MYOF: variants seen among roughly 807,000 people sequenced by gnomAD.
MYOF encodes fer-1-like 3, myoferlin.
Under a neutral mutation model 284.2 loss-of-function variants are expected in MYOF, and 244 were observed. The ratio of observed to expected loss-of-function variants is 0.86; its 90% confidence interval spans 0.77 to 0.95. The LOEUF is 0.95. Ranked by LOEUF, MYOF falls within the 40% of genes least tolerant of loss-of-function variation. MYOF has a pLI of 0.00. For synonymous variants in MYOF, 904 were observed against 919.7 expected, an observed-to-expected ratio of 0.98 and a Z score of 0.31; for missense variants, 2,496 against 2,560.6, an observed-to-expected ratio of 0.97 and a Z score of 0.54.
chr10:93,397,255 T>C lies in MYOF; in HGVS notation c.1326A>G (p.Ile442Met), dbSNP rs369597612. 7 of 1,591,720 alleles carry C rather than the reference T, an allele frequency of 4.4e-6. No individual in the cohort carries two copies. The highest frequency in any genetic ancestry group is 2.7e-5 in the African/African-American group (2 of 74,378). The change falls in exon 15 of 54, where the codon ATA becomes ATG. Residue 442 changes from isoleucine to methionine, a missense_variant. By Grantham distance (10) the Ile-to-Met change is conservative. This residue lies in a region of MYOF where 2,436 missense variants were observed against 2,480.7 expected (regional missense o/e 0.98). Coordinates refer to ENST00000359263, the MANE Select transcript of MYOF (RefSeq NM_013451.4). Reference protein sequence around the residue: ...PSVCEKIKLTIYDWDRLTKND... With the variant: ...PSVCEKIKLTMYDWDRLTKND... ...ACGTATTTTCAACTCACCAGTCATATATTGTTAGTTTTATTTTTTCACACA... is the reference window on the plus strand; with the variant it reads ...ACGTATTTTCAACTCACCAGTCATACATTGTTAGTTTTATTTTTTCACACA...
intron 5 of MYOF, among the ~76,000 whole-genome samples, chr10:93,424,482 G>C (rs1384797537): frequency 1.3e-5 from 2 of 152,094 alleles, no homozygotes; most frequent in Non-Finnish European, 2.9e-5. Flanking sequence ...CACTGCTGTG[G>C]AAGCAAAGGG....
intron 3 of MYOF, among the ~76,000 whole-genome samples, chr10:93,449,116 G>C (rs1040064218): frequency 1.3e-5 from 2 of 152,198 alleles, no homozygotes; most frequent in African/African-American, 2.4e-5. Flanking sequence ...TTGAAATGTG[G>C]TAAGTCTCTG....
At chr10:93,415,472 C>T (rs1848078222) in intron 5 of MYOF, among the ~76,000 whole-genome samples, 1 of 152,214 alleles carries the variant, frequency 6.6e-6, no homozygotes, top group African/African-American at 2.4e-5. Flanking sequence ...ACTAATTAAC[C>T]AGCACAGTCA....
intron 5 of MYOF, among the ~76,000 whole-genome samples, chr10:93,424,380 G>A (rs1848490278): frequency 6.6e-6 from 1 of 152,160 alleles, no homozygotes; most frequent in African/African-American, 2.4e-5. Flanking sequence ...AGGGAAATGG[G>A]TGGGACCACT....
chr10:93,457,989 C>T (rs1382152043), intron 1 of MYOF, among the ~76,000 whole-genome samples: 2 of 151,364 alleles, frequency 1.3e-5, no homozygotes, highest in African/African-American at 2.4e-5. Context: ...AGTGATCCAC[C>T]TGCCTCAGCC....
At chr10:93,348,634 G>C (rs781349468) in intron 36 of MYOF, among the ~76,000 whole-genome samples, 2 of 152,032 alleles carry the variant, frequency 1.3e-5, no homozygotes, top group Non-Finnish European at 2.9e-5. Context: ...TTGGGACCCT[G>C]GCTGGCAGCA....
chr10:93,478,014 G>A (rs530511142), intron 1 of MYOF, among the ~76,000 whole-genome samples: 28 of 152,184 alleles, frequency 1.8e-4, no homozygotes, highest in Non-Finnish European at 3.8e-4. Context: ...TGGTGACCCT[G>A]AAGGACTAAC....
chr10:93,429,973 T>G (rs1367931782), intron 4 of MYOF, among the ~76,000 whole-genome samples: 1 of 151,760 alleles, frequency 6.6e-6, no homozygotes. Flanking sequence ...CTTGCTCTGT[T>G]GCCCAGGCTG....
In MYOF at chr10:93,395,338, G is replaced by C. The variant is rs995765013; in HGVS notation, c.1417+804C>G. 7.9e-5 allele frequency among the ~76,000 whole-genome samples: 12 copies of C among 152,284 alleles called. 1 individual carries two copies. Among genetic ancestry groups the C allele is most frequent in the Admixed American group, 7.8e-4 (12 of 15,302 alleles). On this transcript the variant is annotated intron_variant, in intron 16 of 53. Coordinates refer to ENST00000359263, the MANE Select transcript of MYOF (RefSeq NM_013451.4). ...TGCGCCTGTAGTCCCAGCTACTCGG[G>C]AGGCTGAGGCAGGAGAACTGCTTGA...
rs559984904 is a variant in MYOF at position 93,331,554 on chromosome 10, C to T, written c.4811+1667G>A. On this transcript the variant is annotated intron_variant, in intron 43 of 53. Transcript: ENST00000359263. ...TGCTTCCCTGTCTCCCTCACGGGAG[C>T]CCTCCTTCCTGCCCTGCGTGCCTTT... Among the ~76,000 whole-genome samples, 14 of 152,170 alleles carry T rather than the reference C, an allele frequency of 9.2e-5. 1 individual carries two copies. Among genetic ancestry groups the T allele is most frequent in the Non-Finnish European group, 1.8e-4 (12 of 68,038 alleles).
intron 3 of MYOF, among the ~76,000 whole-genome samples, chr10:93,438,868 G>T (rs2134249006): frequency 6.6e-6 from 1 of 152,276 alleles, no homozygotes; most frequent in Middle Eastern, 3.4e-3. Context: ...CTAGTGACCT[G>T]CGCTCCCCCC....
chr10:93,409,539 T>G, intron 6 of MYOF, 34 bp downstream of exon 6: 1 of 1,603,270 alleles, frequency 6.2e-7, no homozygotes, highest in Non-Finnish European at 8.5e-7. Flanking sequence ...ATATAAAGAT[T>G]AAACAAAGAA....
At chr10:93,415,273 C>G (rs1226487077) in intron 5 of MYOF, among the ~76,000 whole-genome samples, 1 of 152,182 alleles carries the variant, frequency 6.6e-6, no homozygotes, top group Non-Finnish European at 1.5e-5. Context: ...TTATTCAACC[C>G]TCCACTGACT....
intron 26 of MYOF, among the ~76,000 whole-genome samples, chr10:93,364,624 T>C (rs1845240516): frequency 6.6e-6 from 1 of 152,160 alleles, no homozygotes; most frequent in African/African-American, 2.4e-5. Context: ...CATTTCAGAC[T>C]CCAAACTCCA....
At position 93,369,572 on chromosome 10, in the gene MYOF, T is replaced by C. The variant is rs577294484; in HGVS notation, c.2589+73A>G. Reference sequence around the variant, plus strand: ...GGTTGTTTTTGGTATGTAAATGTTTTCCATAAAGGTGAAAAGTAAAAGTGC... The same window carrying C: ...GGTTGTTTTTGGTATGTAAATGTTTCCCATAAAGGTGAAAAGTAAAAGTGC... On this transcript the variant is annotated intron_variant, in intron 25 of 53. Coordinates refer to ENST00000359263, the MANE Select transcript of MYOF (RefSeq NM_013451.4). 3.8e-6 allele frequency: 6 copies of C among 1,590,866 alleles called. No individual in the cohort carries two copies. The East Asian group carries it at 1.3e-4, about 36-fold the overall frequency.
At chr10:93,472,730 T>G (rs2057177352) in intron 1 of MYOF, among the ~76,000 whole-genome samples, 1 of 152,220 alleles carries the variant, frequency 6.6e-6, no homozygotes. Flanking sequence ...TTACCACAAT[T>G]AAAAACAAAG....
rs752999626 is a variant in MYOF, at chr10:93,377,400, C to A, written c.2031G>T (p.Gly677=). Residue 677 remains glycine, a synonymous_variant, in exon 22 of 54, where the codon GGG becomes GGT. Coordinates refer to ENST00000359263, the MANE Select transcript of MYOF (RefSeq NM_013451.4). ...LQTNIEALKS[G]IQGKIPANQL... ...GGTTTGCAGGAATTTTACCTTGTAT[C>A]CCTGATTTTAGAGCTTCTATATTTG... The A allele has an allele frequency of 1.2e-6, 2 of 1,613,814 alleles. No individual in the cohort carries two copies. The highest frequency in any genetic ancestry group is 2.2e-5 in the South Asian group (2 of 91,050).
At chr10:93,322,103 T>A (rs1176184006) in intron 48 of MYOF, among the ~76,000 whole-genome samples, 1 of 152,186 alleles carries the variant, frequency 6.6e-6, no homozygotes, top group African/African-American at 2.4e-5. Context: ...CCAAAAATAA[T>A]AATGAAGAAC....
At chr10:93,401,567 A>G in intron 11 of MYOF, 23 bp from the exon 12 acceptor site, 1 of 1,611,998 alleles carries the variant, frequency 6.2e-7, no homozygotes, top group South Asian at 1.1e-5. Context: ...CATGATTTAA[A>G]TTATACATAC....
Sources: gnomAD v4.1 joint callset for allele counts (sites outside exome capture counted in the v4.1 genomes callset) on GRCh38, gnomAD v4.1.1 for gene constraint, gnomAD v4.1.1 regional missense constraint, MANE v1.5 for transcripts, NCBI Gene and HGNC (gene_info 2026-07-23, HGNC 2026-07-21) for gene names.